Variants in SEM1 observed in about 807,000 individuals in gnomAD.
The protein encoded by SEM1 is 26S proteasome complex subunit SEM1.
In SEM1, 3 loss-of-function variants were observed where a neutral mutation model predicts 12.7. That is an observed-to-expected ratio of 0.24 (90% confidence interval 0.11 to 0.61). The LOEUF (loss-of-function observed/expected upper bound fraction) is 0.61, where lower values mean the gene tolerates loss of function less well. Among genes scored for constraint, SEM1 ranks in the 20% least tolerant of loss-of-function variants. The pLI is 0.88. For synonymous variants in SEM1, 30 were observed against 27.8 expected, an observed-to-expected ratio of 1.08 and a Z score of -0.25; for missense variants, 59 against 81.3, an observed-to-expected ratio of 0.73 and a Z score of 1.06.
chr7:96,555,084 CTCT>C (rs1805437226), intron 2 of SEM1, among the ~76,000 whole-genome samples: 1 of 151,154 alleles, frequency 6.6e-6, no homozygotes, highest in Non-Finnish European at 1.5e-5. Context: ...TGATTCTTCT[CTCT>C]TTTCTTCTTT....
chr7:96,555,293 A>G (rs545278798), intron 2 of SEM1, among the ~76,000 whole-genome samples: 67 of 151,848 alleles, frequency 4.4e-4, no homozygotes, highest in African/African-American at 1.6e-3. Flanking sequence ...TAGGGTGTCA[A>G]TTTGGATCTT....
At chr7:96,574,106 C>T (rs1164961414) in intron 2 of SEM1, among the ~76,000 whole-genome samples, 1 of 152,100 alleles carries the variant, frequency 6.6e-6, no homozygotes. Context: ...CCACAACAGG[C>T]CCCAGTGTGT....
At chr7:96,586,941 A>C (rs1357757874) in intron 2 of SEM1, among the ~76,000 whole-genome samples, 3 of 152,308 alleles carry the variant, frequency 2.0e-5, no homozygotes, top group African/African-American at 7.2e-5. Context: ...ACTGCCCATT[A>C]CAAGTGCATT....
At chr7:96,546,547 G>T (rs1029746824) in intron 2 of SEM1, among the ~76,000 whole-genome samples, 2 of 152,022 alleles carry the variant, frequency 1.3e-5, no homozygotes, top group Admixed American at 1.3e-4. Context: ...AGTATTTCTG[G>T]ATTTATGTTT....
chr7:96,597,199 G>C (rs1358966566), intron 2 of SEM1, among the ~76,000 whole-genome samples: 2 of 152,176 alleles, frequency 1.3e-5, no homozygotes, highest in Admixed American at 6.5e-5. Flanking sequence ...CTTACGAAAA[G>C]ATATTAGAAA....
chr7:96,689,092 G>T, intron 2 of SEM1, 126 bp from the exon 3 acceptor site: 1 of 515,986 alleles, frequency 1.9e-6, no homozygotes, highest in South Asian at 3.4e-5. Context: ...CCACTGAATA[G>T]TTTTACTTTT....
intron 2 of SEM1, among the ~76,000 whole-genome samples, chr7:96,590,015 C>T (rs965545011): frequency 3.9e-5 from 6 of 152,144 alleles, no homozygotes; most frequent in African/African-American, 1.2e-4. Context: ...CAAAAAAAGG[C>T]ATGAAACCCC....
At chr7:96,709,227 T>A (rs1396436592) in intron 1 of SEM1, among the ~76,000 whole-genome samples, 1 of 152,150 alleles carries the variant, frequency 6.6e-6, no homozygotes, top group Non-Finnish European at 1.5e-5. Context: ...TACCCTCCTA[T>A]CCTACTTAAT....
chr7:96,517,684 T>A (rs1381897352), intron 2 of SEM1, among the ~76,000 whole-genome samples: 14 of 152,150 alleles, frequency 9.2e-5, no homozygotes, highest in Admixed American at 9.2e-4. Flanking sequence ...ATTTGTATGC[T>A]TGGGATAGTA....
intron 2 of SEM1, among the ~76,000 whole-genome samples, chr7:96,632,307 A>C (rs1808287094): frequency 6.6e-6 from 1 of 152,200 alleles, no homozygotes; most frequent in South Asian, 2.1e-4. Flanking sequence ...ACCAAGCAAA[A>C]TACCCATCAG....
intron 2 of SEM1, among the ~76,000 whole-genome samples, chr7:96,597,292 G>A (rs1299174924): frequency 6.6e-6 from 1 of 152,034 alleles, no homozygotes; most frequent in Non-Finnish European, 1.5e-5. Flanking sequence ...AAGGTCCCTG[G>A]CATTTCTTAC....
At chr7:96,690,808 T>C (rs1280598387) in intron 2 of SEM1, among the ~76,000 whole-genome samples, 1 of 152,176 alleles carries the variant, frequency 6.6e-6, no homozygotes, top group African/African-American at 2.4e-5. Context: ...TCTCGCTCTG[T>C]TGCCCAGGCT....
chr7:96,533,375 A>G (rs1434735632), intron 2 of SEM1, among the ~76,000 whole-genome samples: 1 of 152,074 alleles, frequency 6.6e-6, no homozygotes, highest in African/African-American at 2.4e-5. Flanking sequence ...GATGATCATT[A>G]CCTGCTACTA....
rs79371485 is a variant in SEM1, at chr7:96,653,146, G to T, written c.171-30503C>A. Among the ~76,000 whole-genome samples the T allele has an allele frequency of 2.3e-3, 350 of 152,276 alleles. 2 individuals carry two copies. Among genetic ancestry groups the T allele is most frequent in the African/African-American group, 8.2e-3 (339 of 41,562 alleles). The stretch of plus-strand genomic sequence containing the variant: ...GATCAAAGTCACACAATAGTAAATG[G>T]TAAGGCCATGATTCCCACCCAGGCC... On this transcript the variant is annotated intron_variant, in intron 2 of 2. Coordinates refer to the SEM1 transcript ENST00000417009.
intron 2 of SEM1, among the ~76,000 whole-genome samples, chr7:96,585,957 C>A (rs1033498498): frequency 6.6e-6 from 1 of 152,102 alleles, no homozygotes; most frequent in African/African-American, 2.4e-5. Flanking sequence ...AGCTGTAGAC[C>A]GGAGCTGTTC....
chr7:96,602,192 G>C (rs1444483029), intron 2 of SEM1, among the ~76,000 whole-genome samples: 1 of 152,154 alleles, frequency 6.6e-6, no homozygotes, highest in Non-Finnish European at 1.5e-5. Flanking sequence ...GGTAAGAAGA[G>C]GTGTTTAATG....
rs78275096 is a variant in SEM1 at position 96,526,560 on chromosome 7, C to A, written c.171-19862G>T. Among the ~76,000 whole-genome samples the A allele has an allele frequency of 1.3e-3, 199 of 152,154 alleles. 1 individual carries two copies. Among genetic ancestry groups the A allele is most frequent in the Admixed American group, 0.01 (156 of 15,290 alleles). Reference sequence around the variant, plus strand: ...TTTGACTCAGACCAGGCTGAGTATCCTAGGAAAAGGCAGGGAAAGCCACCA... The same window carrying A: ...TTTGACTCAGACCAGGCTGAGTATCATAGGAAAAGGCAGGGAAAGCCACCA... On this transcript the variant is annotated intron_variant and NMD_transcript_variant, in intron 2 of 3. Coordinates refer to the SEM1 transcript ENST00000466986.
At chr7:96,526,013 G>A (rs1190610463) in intron 2 of SEM1, among the ~76,000 whole-genome samples, 3 of 152,068 alleles carry the variant, frequency 2.0e-5, no homozygotes, top group Non-Finnish European at 4.4e-5. Flanking sequence ...TCACAGGGTT[G>A]CACAACCATG....
chr7:96,515,040 T>C (rs1804046203), intron 2 of SEM1, among the ~76,000 whole-genome samples: 5 of 151,786 alleles, frequency 3.3e-5, no homozygotes, highest in Non-Finnish European at 5.9e-5. Flanking sequence ...GGTGAAAGAG[T>C]ATGAAGAGAT....
Sources: gnomAD v4.1 joint callset for allele counts (sites outside exome capture counted in the v4.1 genomes callset) on GRCh38, gnomAD v4.1.1 for gene constraint, MANE v1.5 for transcripts, NCBI Gene and HGNC (gene_info 2026-07-23, HGNC 2026-07-21) for gene names.